The following PPM1H variants were observed in gnomAD, a reference collection of about 807,000 sequenced individuals.
The protein encoded by PPM1H is protein phosphatase, Mg2+/Mn2+ dependent 1H, also known as protein phosphatase 1H.
PPM1H carries 27 observed loss-of-function variants against 54.9 expected under a neutral mutation model. The ratio of observed to expected loss-of-function variants is 0.49; its 90% CI spans 0.36 to 0.68. PPM1H has a LOEUF of 0.68. Among genes scored for constraint, PPM1H ranks in the 30% least tolerant of loss-of-function variants. The pLI, the probability that PPM1H is intolerant of heterozygous loss-of-function variation, is 0.00. For synonymous variants in PPM1H, 305 were observed against 270.8 expected (o/e 1.13, Z -1.24); for missense variants, 596 against 667.8 (o/e 0.89, Z 1.19).
chr12:62,701,712 T>G (rs2076144949), intron 6 of PPM1H, among the ~76,000 whole-genome samples: 1 of 151,324 alleles, frequency 6.6e-6, no homozygotes, highest in African/African-American at 2.4e-5. Context: ...GGGGGCCTGG[T>G]CATTCCTTCT....
chr12:62,670,375 G>A (rs2075950192), intron 8 of PPM1H, among the ~76,000 whole-genome samples: 1 of 152,188 alleles, frequency 6.6e-6, no homozygotes, highest in South Asian at 2.1e-4. Context: ...GTGGTGAGAT[G>A]TGGATGTCTC....
intron 1 of PPM1H, among the ~76,000 whole-genome samples, chr12:62,843,076 G>A (rs1472352302): frequency 6.6e-6 from 1 of 152,242 alleles, no homozygotes; most frequent in African/African-American, 2.4e-5. Flanking sequence ...AGCACTTTGG[G>A]AGGCTGAGGC....
At chr12:62,783,272 A>G (rs1213241076) in intron 4 of PPM1H, among the ~76,000 whole-genome samples, 2 of 152,246 alleles carry the variant, frequency 1.3e-5, no homozygotes, top group Non-Finnish European at 2.9e-5. Flanking sequence ...CAACAACTGC[A>G]GTGCGTTTAA....
rs1358995688 is a variant in PPM1H at position 62,934,046 on chromosome 12, A to G, written c.245+446T>C. On this transcript the variant is annotated intron_variant, in intron 1 of 9. Transcript: ENST00000228705. This position sits in a 1 kb window ranked among gnomAD's most constrained non-coding sequence, Gnocchi z 4.2. ...GAATCGGACACAAGCTCCCAGGCGC[A>G]GTGACATCTCCTCCAAGCCTCCACC... 6.4e-6 allele frequency: 1 copy of G among 156,564 alleles called. No individual in the cohort carries two copies. 9.7% of individuals were successfully genotyped at this position (156,564 alleles called of 1,614,324 possible). A position where few individuals can be genotyped will look rare whatever the true frequency, so the allele number is the denominator to read the frequency against.
rs143924100 is a variant in PPM1H, at chr12:62,886,959, G to A, written c.245+47533C>T. ...GGGAAAGCGATGGGAAGACCAGCCT[G>A]CCTACCTAAAAGTGGCTATCTAAGC... On this transcript the variant is annotated intron_variant, in intron 1 of 9. Coordinates refer to ENST00000228705, the MANE Select transcript of PPM1H (RefSeq NM_020700.2). Among the ~76,000 whole-genome samples, 26 of 152,320 alleles carry A rather than the reference G, an allele frequency of 1.7e-4. No individual in the cohort carries two copies. In the East Asian group the frequency reaches 4.6e-3, roughly 27 times the overall value.
chr12:62,723,757 A>T (rs1436657526), intron 5 of PPM1H, among the ~76,000 whole-genome samples: 1 of 152,192 alleles, frequency 6.6e-6, no homozygotes, highest in Non-Finnish European at 1.5e-5. Flanking sequence ...GTAAATACAG[A>T]TACGTGGCAT....
intron 9 of PPM1H, chr12:62,659,269 CA>C (rs11349692): frequency 0.27 from 24,516 of 91,704 alleles, 1,956 homozygotes; most frequent in Admixed American, 0.37. Context: ...GTAAAAACTG[CA>C]AAAAAAAAAA....
At chr12:62,671,019 T>C (rs12581688) in intron 8 of PPM1H, among the ~76,000 whole-genome samples, 10,234 of 152,202 alleles carry the variant, frequency 0.067, 501 homozygotes, top group East Asian at 0.21. Flanking sequence ...TGTGTGCTTA[T>C]CCTCCCCAGC....
At chr12:62,891,461 T>G (rs1216101353) in intron 1 of PPM1H, among the ~76,000 whole-genome samples, 1 of 152,244 alleles carries the variant, frequency 6.6e-6, no homozygotes, top group Non-Finnish European at 1.5e-5. Context: ...TGTACCTACA[T>G]GAAAATTAAA....
intron 9 of PPM1H, among the ~76,000 whole-genome samples, chr12:62,657,873 C>T (rs2075854012): frequency 6.6e-6 from 1 of 152,062 alleles, no homozygotes; most frequent in Admixed American, 6.5e-5. Flanking sequence ...GCTATCTGAG[C>T]CAAGGAGAGC....
chr12:62,659,010 GA>G, intron 9 of PPM1H: 1 of 724,144 alleles, frequency 1.4e-6, no homozygotes, highest in Non-Finnish European at 2.6e-6. Context: ...GGGAGCAACA[GA>G]AAAACAGCAC....
chr12:62,720,038 C>G (rs1460168649), intron 6 of PPM1H, 133 bp downstream of exon 6: 4 of 731,582 alleles, frequency 5.5e-6, no homozygotes, highest in African/African-American at 3.5e-5. Flanking sequence ...AGGTGTACCC[C>G]CTTGTCTTTT....
chr12:62,770,716 A>G (rs1427212261), intron 4 of PPM1H, among the ~76,000 whole-genome samples: 1 of 152,162 alleles, frequency 6.6e-6, no homozygotes, highest in Admixed American at 6.5e-5. Flanking sequence ...TGACACAGAA[A>G]AGCAGCAAAA....
At chr12:62,663,746 C>T (rs549274814) in intron 9 of PPM1H, among the ~76,000 whole-genome samples, 1 of 152,230 alleles carries the variant, frequency 6.6e-6, no homozygotes, top group South Asian at 2.1e-4. Flanking sequence ...AATCCCAGCA[C>T]TTTGGGAGGC....
chr12:62,795,424 A>T (rs1272402540), intron 3 of PPM1H, among the ~76,000 whole-genome samples: 43 of 151,886 alleles, frequency 2.8e-4, no homozygotes, highest in Admixed American at 2.8e-3. Context: ...GTGGGACTAC[A>T]AATGCCCCCA....
intron 1 of PPM1H, among the ~76,000 whole-genome samples, chr12:62,915,637 G>C (rs1871598562): frequency 6.6e-6 from 1 of 152,140 alleles, no homozygotes; most frequent in African/African-American, 2.4e-5. Flanking sequence ...GAGCAGCCCA[G>C]CAAGAGTCCT....
At chr12:62,693,057 A>C (rs1005220185) in intron 7 of PPM1H, among the ~76,000 whole-genome samples, 3 of 152,132 alleles carry the variant, frequency 2.0e-5, no homozygotes, top group Non-Finnish European at 4.4e-5. Context: ...TATCAGTTGA[A>C]GACTCTTCTC....
chr12:62,649,459 G>A (rs1033601549), intron 9 of PPM1H, among the ~76,000 whole-genome samples: 5 of 152,148 alleles, frequency 3.3e-5, no homozygotes, highest in African/African-American at 9.7e-5. Context: ...GTGGGTATGG[G>A]CCTGGGTTAG....
chr12:62,819,535 T>A (rs1805170305), intron 2 of PPM1H, among the ~76,000 whole-genome samples: 1 of 152,224 alleles, frequency 6.6e-6, no homozygotes, highest in African/African-American at 2.4e-5. Context: ...CCTAGATCCA[T>A]TCAAGAGTGT....
Sources: gnomAD v4.1 joint callset for allele counts (sites outside exome capture counted in the v4.1 genomes callset) on GRCh38, gnomAD v4.1.1 for gene constraint, Gnocchi (gnomAD v3.1) non-coding constraint, MANE v1.5 for transcripts, NCBI Gene and HGNC (gene_info 2026-07-23, HGNC 2026-07-21) for gene names.